RIMBP2: variants seen among roughly 807,000 people sequenced by gnomAD.
RIMBP2 encodes the protein RIMS binding protein 2, also known as RIMS-binding protein 2.
Under a neutral mutation model 118.6 loss-of-function variants are expected in RIMBP2, and 48 were observed. That is an observed-to-expected ratio of 0.40 (90% CI 0.32 to 0.51). The LOEUF (loss-of-function observed/expected upper bound fraction) is 0.51. RIMBP2 is among the 20% of genes least tolerant of loss of function. The probability of loss-of-function intolerance (pLI) is 0.41; values close to 1 mark genes in which losing one functional copy is unlikely to be tolerated. For synonymous variants in RIMBP2, 762 were observed against 742.9 expected (o/e 1.03, Z -0.42); for missense variants, 1,551 against 1,768.3 (o/e 0.88, Z 2.20).
rs949402158 is a variant in RIMBP2, at chr12:130,437,041, G to T, written c.1907C>A (p.Ala636Asp). Reference sequence around the variant, plus strand: ...CTGCTCCCAGGCCTCATCCATCCTGGCGTGGGGACCCAGGTGCTCGTCTTT... The same window carrying T: ...CTGCTCCCAGGCCTCATCCATCCTGTCGTGGGGACCCAGGTGCTCGTCTTT... ...ETKDEHLGPH[A>D]RMDEAWEQSR... is the part of the protein sequence containing the mutation. The change falls in exon 13 of 23, where the codon GCC (alanine) becomes GAC (aspartate). Residue 636 changes from alanine (A) to aspartate (D), a missense_variant. This residue lies in a region of RIMBP2 where 1,038 missense variants were observed against 1,125.1 expected (regional missense o/e 0.92). Transcript: ENST00000690449. 1 of 1,579,466 alleles carries T rather than the reference G, an allele frequency of 6.3e-7. No individual in the cohort carries two copies. The highest frequency in any genetic ancestry group is 8.6e-7 in the Non-Finnish European group (1 of 1,160,062).
chr12:130,402,146 G>A (rs760444254), intron 21 of RIMBP2, among the ~76,000 whole-genome samples: 2 of 152,172 alleles, frequency 1.3e-5, no homozygotes, highest in Non-Finnish European at 2.9e-5. Context: ...CTACCACTGC[G>A]TGCTACTGCG....
chr12:130,681,633 G>T (rs1167110203), intron 1 of RIMBP2, among the ~76,000 whole-genome samples: 2 of 152,054 alleles, frequency 1.3e-5, no homozygotes, highest in Non-Finnish European at 2.9e-5. Flanking sequence ...TGCCAGCCTT[G>T]GTAATTAAGA....
At chr12:130,583,232 C>T (rs991182708) in intron 2 of RIMBP2, among the ~76,000 whole-genome samples, 1 of 152,128 alleles carries the variant, frequency 6.6e-6, no homozygotes, top group African/African-American at 2.4e-5. Flanking sequence ...GCCTCCGCGC[C>T]CCCAGCTTCA....
At chr12:130,674,539 A>T (rs2064352957) in intron 1 of RIMBP2, among the ~76,000 whole-genome samples, 1 of 152,152 alleles carries the variant, frequency 6.6e-6, no homozygotes, top group Admixed American at 6.5e-5. Flanking sequence ...CCAGGGACAT[A>T]GCGGCATACA....
chr12:130,691,263 G>A (rs1239383394), intron 1 of RIMBP2, among the ~76,000 whole-genome samples: 1 of 152,192 alleles, frequency 6.6e-6, no homozygotes, highest in African/African-American at 2.4e-5. Flanking sequence ...GGCTTCCTGG[G>A]AGTCAGTGAA....
intron 2 of RIMBP2, among the ~76,000 whole-genome samples, chr12:130,613,823 A>AC (rs1244204519): frequency 9.3e-5 from 14 of 151,348 alleles, no homozygotes; most frequent in Admixed American, 8.6e-4. Context: ...CAAAAAAAAA[A>AC]AAAAAAAAAA....
intron 4 of RIMBP2, among the ~76,000 whole-genome samples, chr12:130,503,193 A>G (rs762941494): frequency 1.1e-4 from 16 of 151,670 alleles, no homozygotes; most frequent in Non-Finnish European, 1.9e-4. Flanking sequence ...GGAGTTCAAA[A>G]CCAGCCAACA....
In RIMBP2 at chr12:130,431,333, G is replaced by T; in HGVS notation, c.2254-2996C>A. The T allele has an allele frequency of 3.3e-6, 1 of 305,506 alleles. No individual in the cohort carries two copies. Among genetic ancestry groups the T allele is most frequent in the South Asian group, 2.8e-5 (1 of 35,324 alleles). The allele number at this position is 305,506 out of a possible 1,614,324, so 18.9% of individuals were successfully genotyped here. ...CTCATGTGACGGGGCGGGCAGCATG[G>T]GGAAGCGGATGGTCAGGGAACACTT... On this transcript the variant is annotated intron_variant, in intron 14 of 22. Transcript: ENST00000690449. The surrounding 1 kb of genome is among the most constrained non-coding windows in gnomAD (Gnocchi z 4.0).
chr12:130,652,932 T>A (rs1273950417), intron 1 of RIMBP2, among the ~76,000 whole-genome samples: 1 of 152,178 alleles, frequency 6.6e-6, no homozygotes, highest in Non-Finnish European at 1.5e-5. Context: ...TGCTAAGCCG[T>A]TGATGAGGGA....
At chr12:130,456,055 G>A (rs1254599188) in intron 7 of RIMBP2, among the ~76,000 whole-genome samples, 1 of 152,202 alleles carries the variant, frequency 6.6e-6, no homozygotes. Context: ...ACAAGTTACT[G>A]AGATGAGAAG....
At chr12:130,651,988 CATT>C (rs1211769901) in intron 1 of RIMBP2, among the ~76,000 whole-genome samples, 3 of 152,216 alleles carry the variant, frequency 2.0e-5, no homozygotes, top group African/African-American at 7.2e-5. Context: ...TCTACTAAAT[CATT>C]GTGTTCTGCT....
intron 4 of RIMBP2, among the ~76,000 whole-genome samples, chr12:130,496,170 T>C (rs2138566062): frequency 6.6e-6 from 1 of 152,294 alleles, no homozygotes. Context: ...AGGGACCTGG[T>C]GGGAGATAAT....
At chr12:130,399,200 A>ATG in intron 22 of RIMBP2, 1 of 1,144,502 alleles carries the variant, frequency 8.7e-7, no homozygotes, top group Non-Finnish European at 1.1e-6. Flanking sequence ...AAAAATATAT[A>ATG]TATAAAAATA....
At chr12:130,570,252 C>G (rs1389111816) in intron 2 of RIMBP2, among the ~76,000 whole-genome samples, 3 of 151,960 alleles carry the variant, frequency 2.0e-5, no homozygotes, top group Non-Finnish European at 4.4e-5. Context: ...GGTAAAGGCC[C>G]GTCTCTATAA....
chr12:130,403,034 AC>A (rs1166162918), intron 21 of RIMBP2, among the ~76,000 whole-genome samples: 1 of 152,210 alleles, frequency 6.6e-6, no homozygotes, highest in Non-Finnish European at 1.5e-5. Context: ...GTCCCTGCTT[AC>A]GCTTGTTTTA....
intron 1 of RIMBP2, among the ~76,000 whole-genome samples, chr12:130,712,952 G>T (rs1156732324): frequency 6.6e-6 from 1 of 151,774 alleles, no homozygotes; most frequent in Non-Finnish European, 1.5e-5. Context: ...TCATCTGGGA[G>T]ATTTTCTTCA....
intron 2 of RIMBP2, among the ~76,000 whole-genome samples, chr12:130,561,338 G>C (rs932556408): frequency 6.6e-6 from 1 of 152,168 alleles, no homozygotes; most frequent in African/African-American, 2.4e-5. Context: ...CATATTTTAT[G>C]TCTTCATTCA....
At chr12:130,657,257 T>C (rs2063469712) in intron 1 of RIMBP2, among the ~76,000 whole-genome samples, 1 of 152,152 alleles carries the variant, frequency 6.6e-6, no homozygotes, top group Non-Finnish European at 1.5e-5. Flanking sequence ...CATGTCCTCA[T>C]CTTAACTTTG....
In RIMBP2 at chr12:130,423,991, C is replaced by T. The variant is rs555775208; in HGVS notation, c.3129+151G>A. On this transcript the variant is annotated intron_variant, in intron 16 of 22. Transcript: ENST00000690449. ...ATGGTCAAAAGGTTGGGAAGCAAAT[C>T]GGACTTGAGAAATCAAAAATGCAGG... Among the ~76,000 whole-genome samples, 53 of 152,194 alleles carry T rather than the reference C, an allele frequency of 3.5e-4. No individual in the cohort carries two copies. The South Asian group carries it at 8.5e-3, about 24-fold the overall frequency.
Sources: gnomAD v4.1 joint callset for allele counts (sites outside exome capture counted in the v4.1 genomes callset) on GRCh38, gnomAD v4.1.1 for gene constraint, gnomAD v4.1.1 regional missense constraint, Gnocchi (gnomAD v3.1) non-coding constraint, MANE v1.5 for transcripts, NCBI Gene and HGNC (gene_info 2026-07-23, HGNC 2026-07-21) for gene names.